GABRG3: variants seen among roughly 807,000 people sequenced by gnomAD.
GABRG3 encodes gamma-aminobutyric acid receptor subunit gamma-3.
GABRG3 carries 25 observed loss-of-function variants against 48.8 expected under a neutral mutation model. That is an observed-to-expected ratio of 0.51 (90% CI 0.37 to 0.72). GABRG3 has a LOEUF of 0.72. Among genes scored for constraint, GABRG3 ranks in the 30% least tolerant of loss-of-function variants. GABRG3 has a pLI of 0.00. For synonymous variants in GABRG3, 227 were observed against 217.6 expected (o/e 1.04, Z -0.38); for missense variants, 394 against 577.9 (o/e 0.68, Z 3.26).
At chr15:27,064,477 G>T (rs1416364852) in intron 3 of GABRG3, among the ~76,000 whole-genome samples, 1 of 152,170 alleles carries the variant, frequency 6.6e-6, no homozygotes, top group Non-Finnish European at 1.5e-5. Context: ...GAAAGGGAAC[G>T]CTGGGCTTTC....
intron 5 of GABRG3, among the ~76,000 whole-genome samples, chr15:27,404,223 G>GA (rs1184082339): frequency 4.6e-5 from 7 of 152,230 alleles, no homozygotes; most frequent in South Asian, 2.1e-4. Context: ...TCCGTCTGAA[G>GA]AAAAAACCTA....
At chr15:27,176,054 G>GA (rs1028783849) in intron 3 of GABRG3, among the ~76,000 whole-genome samples, 61 of 150,024 alleles carry the variant, frequency 4.1e-4, no homozygotes, top group African/African-American at 1.4e-3. Context: ...AAAGAAAAAA[G>GA]AAAACAAGCC....
intron 5 of GABRG3, among the ~76,000 whole-genome samples, chr15:27,436,078 A>G (rs990060023): frequency 2.6e-5 from 4 of 152,206 alleles, no homozygotes; most frequent in African/African-American, 9.6e-5. Flanking sequence ...TGTCTTCGTC[A>G]GGTCAGGCTG....
intron 3 of GABRG3, among the ~76,000 whole-genome samples, chr15:27,263,468 A>G (rs1020360175): frequency 5.9e-5 from 9 of 152,128 alleles, no homozygotes; most frequent in Admixed American, 5.9e-4. Flanking sequence ...CTTGTCAAAC[A>G]CTTTCTCAAA....
At chr15:27,281,077 T>C (rs7496334) in intron 3 of GABRG3, among the ~76,000 whole-genome samples, 69,352 of 152,026 alleles carry the variant, frequency 0.46, 18,351 homozygotes, top group Non-Finnish European at 0.61. Flanking sequence ...GTAATGTTCC[T>C]CTCTGACCTT....
intron 5 of GABRG3, among the ~76,000 whole-genome samples, chr15:27,439,984 T>C (rs2140631742): frequency 6.6e-6 from 1 of 152,320 alleles, no homozygotes; most frequent in East Asian, 1.9e-4. Context: ...TGCCTGTCTG[T>C]GGCCTATGTG....
chr15:27,421,010 T>C (rs1036246466), intron 5 of GABRG3, among the ~76,000 whole-genome samples: 1 of 152,194 alleles, frequency 6.6e-6, no homozygotes, highest in Admixed American at 6.5e-5. Context: ...AAAGAAACTC[T>C]TAAATTTTGT....
chr15:27,340,297 T>G (rs1451154658), intron 5 of GABRG3, among the ~76,000 whole-genome samples: 2 of 152,098 alleles, frequency 1.3e-5, no homozygotes, highest in Admixed American at 6.5e-5. Flanking sequence ...GGAAAGAAAG[T>G]GCAGTTGTGG....
At chr15:27,052,982 C>A (rs925216638) in intron 3 of GABRG3, among the ~76,000 whole-genome samples, 1 of 152,116 alleles carries the variant, frequency 6.6e-6, no homozygotes, top group Non-Finnish European at 1.5e-5. Flanking sequence ...TGAAACTGGA[C>A]CCTACATATC....
intron 3 of GABRG3, among the ~76,000 whole-genome samples, chr15:27,045,219 G>A (rs1389476416): frequency 1.3e-5 from 2 of 152,204 alleles, no homozygotes; most frequent in Non-Finnish European, 2.9e-5. Flanking sequence ...AGGCGCTTAT[G>A]AGCCCAGAGG....
At chr15:27,455,433 G>T (rs1402217229) in intron 5 of GABRG3, among the ~76,000 whole-genome samples, 2 of 151,086 alleles carry the variant, frequency 1.3e-5, no homozygotes, top group Non-Finnish European at 2.9e-5. Context: ...GTGTATATGT[G>T]CATGGTATGT....
At chr15:27,076,291 C>T (rs1896908249) in intron 3 of GABRG3, among the ~76,000 whole-genome samples, 1 of 150,364 alleles carries the variant, frequency 6.7e-6, no homozygotes, top group Non-Finnish European at 1.5e-5. Context: ...ATAAAAGAGC[C>T]TTTGCTGATG....
At chr15:27,439,303 AAGG>A (rs752108219) in intron 5 of GABRG3, among the ~76,000 whole-genome samples, 8 of 152,210 alleles carry the variant, frequency 5.3e-5, no homozygotes. Context: ...GAGTTGGACA[AAGG>A]AGAGATGGGT....
chr15:27,328,457 C>G (rs1893694320), intron 4 of GABRG3, among the ~76,000 whole-genome samples: 1 of 152,210 alleles, frequency 6.6e-6, no homozygotes, highest in Admixed American at 6.5e-5. Flanking sequence ...GATAAACACA[C>G]CAGTTTCCAA....
intron 5 of GABRG3, among the ~76,000 whole-genome samples, chr15:27,434,597 CAA>C (rs889181462): frequency 6.6e-6 from 1 of 152,040 alleles, no homozygotes; most frequent in African/African-American, 2.4e-5. Context: ...AAAATGAAAA[CAA>C]ATGATAGCAC....
At chr15:27,397,121 G>C (rs1887324724) in intron 5 of GABRG3, among the ~76,000 whole-genome samples, 1 of 152,148 alleles carries the variant, frequency 6.6e-6, no homozygotes, top group Admixed American at 6.5e-5. Context: ...TAAGCACAAA[G>C]ATGAAGTTCA....
At chr15:27,203,444 G>T (rs1436451461) in intron 3 of GABRG3, among the ~76,000 whole-genome samples, 1 of 152,044 alleles carries the variant, frequency 6.6e-6, no homozygotes, top group African/African-American at 2.4e-5. Context: ...CCAGTCCACT[G>T]TTAAGCATCT....
intron 2 of GABRG3, among the ~76,000 whole-genome samples, chr15:26,978,724 C>T (rs1894997557): frequency 6.6e-6 from 1 of 152,118 alleles, no homozygotes; most frequent in Admixed American, 6.5e-5. Context: ...TTTTTATTAC[C>T]ATAGCTGTAT....
chr15:27,269,371 A>T (rs2140472469), intron 3 of GABRG3, among the ~76,000 whole-genome samples: 1 of 152,150 alleles, frequency 6.6e-6, no homozygotes, highest in East Asian at 1.9e-4. Context: ...TTCAAGTGAC[A>T]TGTTGTTCTT....
Sources: gnomAD v4.1 joint callset for allele counts (sites outside exome capture counted in the v4.1 genomes callset) on GRCh38, gnomAD v4.1.1 for gene constraint, MANE v1.5 for transcripts, NCBI Gene and HGNC (gene_info 2026-07-23, HGNC 2026-07-21) for gene names.